STIM1: variants seen among roughly 807,000 people sequenced by gnomAD.
STIM1 encodes the protein stromal interaction molecule 1.
Under a neutral mutation model 74.7 loss-of-function variants are expected in STIM1, and 25 were observed. The observed-to-expected ratio is 0.33, with a 90% confidence interval of 0.24 to 0.47. The LOEUF is 0.47. Among genes scored for constraint, STIM1 ranks in the 20% least tolerant of loss-of-function variants. STIM1 has a pLI of 1.00. For synonymous variants in STIM1, 328 were observed against 348.8 expected, an observed-to-expected ratio of 0.94 and a Z score of 0.66; for missense variants, 728 against 920.8, an observed-to-expected ratio of 0.79 and a Z score of 2.71.
At chr11:3,932,494 C>T (rs1184611669) in intron 1 of STIM1, among the ~76,000 whole-genome samples, 1 of 151,912 alleles carries the variant, frequency 6.6e-6, no homozygotes, top group African/African-American at 2.4e-5. Context: ...AGCCCCGTCT[C>T]TATTAAAATT....
chr11:3,914,470 T>G (rs1328396739), intron 1 of STIM1, among the ~76,000 whole-genome samples: 1 of 152,068 alleles, frequency 6.6e-6, no homozygotes, highest in Non-Finnish European at 1.5e-5. Flanking sequence ...TGAGACGGAG[T>G]CTCACTCTGT....
chr11:3,896,793 C>T (rs1397343756), intron 1 of STIM1, among the ~76,000 whole-genome samples: 3 of 152,166 alleles, frequency 2.0e-5, no homozygotes, highest in African/African-American at 4.8e-5. Context: ...GCCTGGGTCT[C>T]ATCACTATAG....
chr11:3,871,967 C>G (rs2091112623), intron 1 of STIM1, among the ~76,000 whole-genome samples: 1 of 152,200 alleles, frequency 6.6e-6, no homozygotes, highest in South Asian at 2.1e-4. Flanking sequence ...GTCTGATGAT[C>G]TGTTCTTTGC....
intron 5 of STIM1, among the ~76,000 whole-genome samples, chr11:4,066,125 G>T (rs2094363629): frequency 6.6e-6 from 1 of 152,166 alleles, no homozygotes; most frequent in Non-Finnish European, 1.5e-5. Flanking sequence ...TCTAATTGCA[G>T]CACACAGACT....
In STIM1 at chr11:3,856,424, C is replaced by T. The variant is rs371998180; in HGVS notation, c.139+15C>T. 27 of 1,612,304 alleles carry T rather than the reference C, an allele frequency of 1.7e-5. No individual in the cohort carries two copies. The highest frequency in any genetic ancestry group is 1.3e-4 in the South Asian group (12 of 91,036). On this transcript the variant is annotated intron_variant, in intron 1 of 12. Transcript: ENST00000526596. ...CACTGCAGCAGGTAAGGCCTTGCTG[C>T]GGGCTGGACTGGGCTGGAGGCTTTG... is the stretch of plus-strand genomic sequence containing the variant.
intron 1 of STIM1, among the ~76,000 whole-genome samples, chr11:3,944,416 A>G (rs1161827062): frequency 6.6e-6 from 1 of 151,986 alleles, no homozygotes; most frequent in African/African-American, 2.4e-5. Context: ...CAAGGGAGGG[A>G]GCATGAGTAT....
intron 2 of STIM1, among the ~76,000 whole-genome samples, chr11:4,005,989 C>G (rs2093776223): frequency 6.6e-6 from 1 of 152,170 alleles, no homozygotes; most frequent in Non-Finnish European, 1.5e-5. Flanking sequence ...AGTTGGTAAA[C>G]TTTTCAGATC....
intron 1 of STIM1, among the ~76,000 whole-genome samples, chr11:3,908,291 A>G (rs1201622508): frequency 6.6e-6 from 1 of 152,198 alleles, no homozygotes; most frequent in Non-Finnish European, 1.5e-5. Flanking sequence ...GCAGGATACT[A>G]CTATTATTCC....
intron 7 of STIM1, among the ~76,000 whole-genome samples, chr11:4,080,467 G>GTTTTTT (rs753798798): frequency 1.2e-4 from 15 of 129,750 alleles, no homozygotes; most frequent in East Asian, 2.2e-4. Flanking sequence ...TAACCAAACA[G>GTTTTTT]TTTTTTTTTT....
chr11:3,953,422 C>T (rs937579026), intron 1 of STIM1, among the ~76,000 whole-genome samples: 2 of 152,194 alleles, frequency 1.3e-5, no homozygotes, highest in African/African-American at 4.8e-5. Context: ...TTCCTCACCC[C>T]ACAGCCCTTG....
At chr11:3,988,938 T>C (rs2093582671) in intron 2 of STIM1, among the ~76,000 whole-genome samples, 1 of 152,158 alleles carries the variant, frequency 6.6e-6, no homozygotes, top group African/African-American at 2.4e-5. Context: ...ACCCACACTG[T>C]TTTCTGGTTG....
At chr11:3,986,067 T>A (rs1346033551) in intron 2 of STIM1, among the ~76,000 whole-genome samples, 2 of 152,232 alleles carry the variant, frequency 1.3e-5, no homozygotes, top group Non-Finnish European at 2.9e-5. Flanking sequence ...TAGTGTGTGC[T>A]ATGTGCTGGA....
chr11:4,003,124 A>G (rs200102193), intron 2 of STIM1, among the ~76,000 whole-genome samples: 30,443 of 140,472 alleles, frequency 0.22, 3,569 homozygotes, highest in South Asian at 0.4. Context: ...AGAGTCCAGG[A>G]CCAGATGGAT....
intron 2 of STIM1, among the ~76,000 whole-genome samples, chr11:4,018,320 C>T (rs533450815): frequency 7.7e-4 from 115 of 150,090 alleles, no homozygotes; most frequent in African/African-American, 2.6e-3. Context: ...GGCGCGGTGG[C>T]GGGCGCCTGT....
chr11:4,007,325 A>G (rs1226353195), intron 2 of STIM1, among the ~76,000 whole-genome samples: 2 of 152,218 alleles, frequency 1.3e-5, no homozygotes, highest in Admixed American at 6.5e-5. Flanking sequence ...GGTGGGATCC[A>G]AAAGCTGCCT....
chr11:3,856,449 G>A, intron 1 of STIM1, 40 bp downstream of exon 1: 1 of 1,602,720 alleles, frequency 6.2e-7, no homozygotes, highest in Middle Eastern at 1.7e-4. Flanking sequence ...TGGAGGCTTT[G>A]GCTCAGGACT....
intron 1 of STIM1, among the ~76,000 whole-genome samples, chr11:3,933,281 AAAGGG>A (rs1295695074): frequency 2.6e-5 from 4 of 152,202 alleles, no homozygotes; most frequent in Non-Finnish European, 5.9e-5. Flanking sequence ...GGCCCTGGTT[AAAGGG>A]AAGGGAAGTT....
At position 4,083,696 on chromosome 11, in the gene STIM1, A is replaced by G. The variant is rs574247492; in HGVS notation, c.1474+198A>G. On this transcript the variant is annotated intron_variant, in intron 10 of 12. Transcript: ENST00000526596. ...CCTTTTGGTGTTCTTTCCTTGTTGT[A>G]TGCTCTGTGTGCCCCTTTGGGTCTA... The G allele has an allele frequency of 4.8e-5, 30 of 624,254 alleles. No individual in the cohort carries two copies. The East Asian group carries it at 7.6e-4, about 16-fold the overall frequency. The allele number at this position is 624,254 out of a possible 1,614,324, so 38.7% of individuals were successfully genotyped here. A position where few individuals can be genotyped will look rare whatever the true frequency, so the allele number is the denominator to read the frequency against.
At chr11:3,950,322 C>T (rs369803733) in intron 1 of STIM1, among the ~76,000 whole-genome samples, 124 of 152,000 alleles carry the variant, frequency 8.2e-4, no homozygotes, top group African/African-American at 2.9e-3. Flanking sequence ...TTAGCAGAGA[C>T]GGGGTTTCAC....
Sources: allele counts gnomAD v4.1 joint callset (sites outside exome capture counted in the v4.1 genomes callset), GRCh38; gene constraint gnomAD v4.1.1; transcripts MANE v1.5; gene names NCBI Gene and HGNC (gene_info 2026-07-23, HGNC 2026-07-21).